The following CIMIP4 variants were observed in gnomAD, a reference collection of about 807,000 sequenced individuals.
CIMIP4 encodes the protein protein EAN57.
the CIMIP4 span, among the ~76,000 whole-genome samples, chr22:36,992,165 G>A: frequency 1.3e-5 from 2 of 152,088 alleles, no homozygotes; most frequent in Non-Finnish European, 2.9e-5. Context: ...TGACCAACAT[G>A]GTGAAACCCC....
chr22:37,004,594 C>T, the CIMIP4 span, among the ~76,000 whole-genome samples: 1 of 152,204 alleles, frequency 6.6e-6, no homozygotes, highest in African/African-American at 2.4e-5. Flanking sequence ...CTGGTGTAAA[C>T]TCAGTCTTCT....
At chr22:37,002,445 A>C in the CIMIP4 span, 2 of 543,718 alleles carry the variant, frequency 3.7e-6, no homozygotes, top group Non-Finnish European at 5.9e-6. Flanking sequence ...ACAGCCAGAG[A>C]AGGGGAGAGG....
the CIMIP4 span, chr22:37,002,027 G>T: frequency 6.2e-7 from 1 of 1,612,008 alleles, no homozygotes. Flanking sequence ...TCTCGAGGAG[G>T]ATCGAGAGCC....
At chr22:36,996,390 G>A in the CIMIP4 span, among the ~76,000 whole-genome samples, 15 of 151,222 alleles carry the variant, frequency 9.9e-5, no homozygotes, top group African/African-American at 3.6e-4. Flanking sequence ...GGTATCAGCA[G>A]CAAAGTTAGA....
the CIMIP4 span, among the ~76,000 whole-genome samples, chr22:37,000,293 C>T: frequency 6.6e-6 from 1 of 152,174 alleles, no homozygotes; most frequent in African/African-American, 2.4e-5. Context: ...CCACTCTTCC[C>T]ACCATTTTAT....
At chr22:37,003,332 C>T in the CIMIP4 span, among the ~76,000 whole-genome samples, 5 of 152,180 alleles carry the variant, frequency 3.3e-5, no homozygotes, top group East Asian at 1.9e-4. Flanking sequence ...TTAGCAGGAT[C>T]GCTGCCCCAA....
At chr22:37,000,086 C>T in the CIMIP4 span, 99 of 1,424,718 alleles carry the variant, frequency 6.9e-5, no homozygotes, top group Non-Finnish European at 9.0e-5. Context: ...CTCCCCACCC[C>T]GATCCCACCT....
At chr22:36,998,273 C>T in the CIMIP4 span, among the ~76,000 whole-genome samples, 1 of 152,170 alleles carries the variant, frequency 6.6e-6, no homozygotes, top group Non-Finnish European at 1.5e-5. Flanking sequence ...ACAAGCAGAA[C>T]TGTATTCTCG....
At chr22:37,005,956 C>A in the CIMIP4 span, among the ~76,000 whole-genome samples, 3 of 152,150 alleles carry the variant, frequency 2.0e-5, no homozygotes, top group African/African-American at 4.8e-5. Flanking sequence ...GACTGTGCGA[C>A]CTGTTGTTAA....
At chr22:37,006,864 A>G in the CIMIP4 span, among the ~76,000 whole-genome samples, 1 of 152,100 alleles carries the variant, frequency 6.6e-6, no homozygotes, top group African/African-American at 2.4e-5. Flanking sequence ...CTTATAAGAG[A>G]CTACAACTTC....
chr22:36,993,214 G>T, the CIMIP4 span, among the ~76,000 whole-genome samples: 1 of 151,452 alleles, frequency 6.6e-6, no homozygotes, highest in Non-Finnish European at 1.5e-5. Context: ...GTTTCACCAT[G>T]TTAGCCAGGA....
the CIMIP4 span, among the ~76,000 whole-genome samples, chr22:37,000,997 T>C: frequency 6.6e-6 from 1 of 152,144 alleles, no homozygotes; most frequent in Non-Finnish European, 1.5e-5. Context: ...TTATACTATC[T>C]GTTATAAAGG....
the CIMIP4 span, among the ~76,000 whole-genome samples, chr22:36,996,764 G>A: frequency 2.6e-5 from 4 of 152,168 alleles, no homozygotes; most frequent in Non-Finnish European, 4.4e-5. Context: ...GGTAGTGGGA[G>A]TATTGCCTGA....
At chr22:36,996,508 A>G in the CIMIP4 span, among the ~76,000 whole-genome samples, 1 of 152,124 alleles carries the variant, frequency 6.6e-6, no homozygotes, top group African/African-American at 2.4e-5. Context: ...AAAAAAAATC[A>G]CAAAATGTTA....
At chr22:36,999,694 G>A in the CIMIP4 span, 3 of 1,034,314 alleles carry the variant, frequency 2.9e-6, no homozygotes, top group Admixed American at 5.6e-5. Context: ...CTGACATAGA[G>A]GACACATGGG....
At chr22:36,998,966 C>A in the CIMIP4 span, among the ~76,000 whole-genome samples, 1 of 152,078 alleles carries the variant, frequency 6.6e-6, no homozygotes, top group Non-Finnish European at 1.5e-5. Context: ...CCCACTGTAC[C>A]GAGAAGGCAG....
At chr22:37,001,963 G>C in the CIMIP4 span, 1 of 1,613,872 alleles carries the variant, frequency 6.2e-7, no homozygotes. Context: ...AGCTGGGACC[G>C]TCATCCGTCC....
At chr22:36,991,444 A>G in the CIMIP4 span, 1 of 1,595,146 alleles carries the variant, frequency 6.3e-7, no homozygotes, top group Non-Finnish European at 8.6e-7. Context: ...GGTGGAGGAC[A>G]GTCCCTGCCT....
the CIMIP4 span, among the ~76,000 whole-genome samples, chr22:36,999,617 A>C: frequency 7.4e-6 from 1 of 134,266 alleles, no homozygotes; most frequent in African/African-American, 2.9e-5. Context: ...GAGGTGCCTG[A>C]CTGCCAACTG....
Sources: allele counts gnomAD v4.1 joint callset (sites outside exome capture counted in the v4.1 genomes callset), GRCh38; gene constraint gnomAD v4.1.1; transcripts MANE v1.5; gene names NCBI Gene and HGNC (gene_info 2026-07-23, HGNC 2026-07-21).